CSMD2: variants seen among roughly 807,000 people sequenced by gnomAD.
The protein encoded by CSMD2 is CUB and Sushi multiple domains 2, also known as CUB and sushi domain-containing protein 2.
A neutral mutation model predicts 398.5 loss-of-function variants in CSMD2; 130 were observed. The ratio of observed to expected loss-of-function variants is 0.33; its 90% CI spans 0.28 to 0.38. The LOEUF is 0.38. Ranked by LOEUF, CSMD2 falls within the 10% of genes least tolerant of loss-of-function variation. CSMD2 has a pLI of 1.00. For missense variants in CSMD2, 3,829 were observed against 4,764.9 expected (o/e 0.80, Z 5.78); for synonymous variants, 1,828 against 1,908.5 (o/e 0.96, Z 1.10).
In CSMD2 at chr1:33,692,972, T is replaced by G. The variant is rs758445315; in HGVS notation, c.4010A>C (p.Asn1337Thr). The change falls in exon 25 of 71, where the codon AAC becomes ACC. Residue 1337 changes from asparagine to threonine, a missense_variant. Asn to Thr is a moderately conservative substitution (Grantham distance 65, BLOSUM62 0). Around this residue, in one of 5 missense-constraint regions of CSMD2, gnomAD observed 2,001 missense variants for 2,567.1 expected, o/e 0.78. Coordinates refer to ENST00000373381, the MANE Select transcript of CSMD2 (RefSeq NM_001281956.2). ...GYPAPYEHNL[N>T]CIWTIEAEAG... is the part of the protein sequence containing the mutation. Reference sequence around the variant, plus strand: ...CTCTGCTTCGATGGTCCAGATGCAGTTGAGATTGTGTTCATAGGGAGCTGG... The same window carrying G: ...CTCTGCTTCGATGGTCCAGATGCAGGTGAGATTGTGTTCATAGGGAGCTGG... 1.4e-5 allele frequency: 22 copies of G among 1,607,726 alleles called. 1 individual carries two copies. In the South Asian group the frequency reaches 2.4e-4, roughly 18 times the overall value.
At chr1:34,118,448 A>G (rs1335692856) in intron 1 of CSMD2, among the ~76,000 whole-genome samples, 1 of 152,154 alleles carries the variant, frequency 6.6e-6, no homozygotes, top group Non-Finnish European at 1.5e-5. Context: ...AGTCATCCAA[A>G]CTAACATTAT....
At chr1:34,144,559 G>A (rs1296902002) in intron 1 of CSMD2, among the ~76,000 whole-genome samples, 1 of 152,216 alleles carries the variant, frequency 6.6e-6, no homozygotes, top group Non-Finnish European at 1.5e-5. Flanking sequence ...GAATGAGTGG[G>A]TAACTTCTTC....
At chr1:33,957,937 G>A (rs1328937565) in intron 3 of CSMD2, among the ~76,000 whole-genome samples, 1 of 116,038 alleles carries the variant, frequency 8.6e-6, no homozygotes, top group Non-Finnish European at 1.9e-5. Context: ...CACTGTGTGT[G>A]TGTGTGTGTG....
chr1:33,640,885 T>C (rs922644520), intron 29 of CSMD2, among the ~76,000 whole-genome samples: 12 of 152,178 alleles, frequency 7.9e-5, no homozygotes, highest in African/African-American at 2.9e-4. Context: ...GTAGCAGGTG[T>C]GGCCGTAGCT....
At chr1:34,151,595 T>C (rs185190360) in intron 1 of CSMD2, among the ~76,000 whole-genome samples, 72 of 151,412 alleles carry the variant, frequency 4.8e-4, no homozygotes, top group South Asian at 1.3e-3. Flanking sequence ...AAGACATAAG[T>C]GGAGGAGATT....
At chr1:33,521,241 A>C (rs1237804443) in intron 68 of CSMD2, among the ~76,000 whole-genome samples, 6 of 152,122 alleles carry the variant, frequency 3.9e-5, no homozygotes, top group Non-Finnish European at 7.4e-5. Flanking sequence ...TCTGAACAGG[A>C]AACTTTGTCA....
At chr1:33,726,032 C>T (rs1646518135) in intron 16 of CSMD2, among the ~76,000 whole-genome samples, 1 of 152,096 alleles carries the variant, frequency 6.6e-6, no homozygotes, top group African/African-American at 2.4e-5. Flanking sequence ...CAAAAGTTTG[C>T]AGACTGCTAT....
At chr1:33,707,689 GCGCGCGCACACACACACACACACACACA>G (rs1230920918) in intron 22 of CSMD2, among the ~76,000 whole-genome samples, 16 of 126,336 alleles carry the variant, frequency 1.3e-4, no homozygotes, top group Non-Finnish European at 2.0e-4. Flanking sequence ...GCACACGCGC[GCGCGCGCACACACACACACACACACACA>G]CACACACACA....
chr1:33,781,761 C>T (rs1652797391), intron 12 of CSMD2, among the ~76,000 whole-genome samples: 1 of 152,154 alleles, frequency 6.6e-6, no homozygotes, highest in Admixed American at 6.5e-5. Flanking sequence ...ATTGCCTGTT[C>T]CTTAAATATT....
intron 21 of CSMD2, among the ~76,000 whole-genome samples, chr1:33,712,430 A>G (rs1038645016): frequency 1.3e-5 from 2 of 152,332 alleles, no homozygotes; most frequent in South Asian, 4.1e-4. Context: ...TCCAATTTGC[A>G]TGGCGACTGG....
At chr1:33,959,458 C>T (rs528195965) in intron 3 of CSMD2, among the ~76,000 whole-genome samples, 6 of 152,180 alleles carry the variant, frequency 3.9e-5, no homozygotes, top group Non-Finnish European at 7.3e-5. Context: ...TGCGTGTTCT[C>T]GCCCCAGCAG....
intron 3 of CSMD2, among the ~76,000 whole-genome samples, chr1:33,953,984 T>C (rs1645085018): frequency 6.6e-6 from 1 of 152,102 alleles, no homozygotes; most frequent in Non-Finnish European, 1.5e-5. Context: ...TCCCCCATGC[T>C]ATCATGGTAC....
At chr1:33,956,602 G>A (rs1330992632) in intron 3 of CSMD2, among the ~76,000 whole-genome samples, 1 of 152,056 alleles carries the variant, frequency 6.6e-6, no homozygotes, top group African/African-American at 2.4e-5. Context: ...CAAAATCTTA[G>A]GAATATTCCA....
chr1:33,577,209 C>T (rs962063292), intron 49 of CSMD2, 87 bp downstream of exon 49: 11 of 1,241,392 alleles, frequency 8.9e-6, no homozygotes, highest in East Asian at 2.4e-5. Flanking sequence ...AGGAAACCCA[C>T]ATTTGGAAGT....
At chr1:33,627,997 G>A (rs1241122987) in intron 32 of CSMD2, among the ~76,000 whole-genome samples, 1 of 152,182 alleles carries the variant, frequency 6.6e-6, no homozygotes, top group South Asian at 2.1e-4. Flanking sequence ...TTTTGAGGAA[G>A]GAGATCACTC....
chr1:33,784,827 A>C lies in CSMD2; in HGVS notation c.1663+3773T>G, dbSNP rs1237307041. On this transcript the variant is annotated intron_variant, in intron 12 of 70. Transcript: ENST00000373381. Reference sequence around the variant, plus strand: ...AATGTGCAAGGAGCTTTGAGATCTCATTTCACTCTCCTAACAACGCTCTCA... The same window carrying C: ...AATGTGCAAGGAGCTTTGAGATCTCCTTTCACTCTCCTAACAACGCTCTCA... 2.0e-5 allele frequency among the ~76,000 whole-genome samples: 3 copies of C among 152,090 alleles called. No homozygotes were observed. The East Asian group carries it at 5.8e-4, about 29-fold the overall frequency.
intron 3 of CSMD2, 90 bp from the exon 4 acceptor site, chr1:33,936,044 A>G: frequency 9.2e-7 from 1 of 1,086,214 alleles, no homozygotes; most frequent in Admixed American, 2.5e-5. Context: ...TCCCTAGGCC[A>G]CTCGGGCTTC....
chr1:33,532,673 G>T (rs998512266), intron 64 of CSMD2, among the ~76,000 whole-genome samples: 104 of 152,346 alleles, frequency 6.8e-4, no homozygotes, highest in Non-Finnish European at 1.5e-4. Flanking sequence ...GAATGAAGAA[G>T]AGGGGAAGGG....
At chr1:33,842,224 A>G (rs1660926118) in intron 6 of CSMD2, among the ~76,000 whole-genome samples, 1 of 152,196 alleles carries the variant, frequency 6.6e-6, no homozygotes, top group African/African-American at 2.4e-5. Context: ...CCATGAGTCC[A>G]GTGGGGTTTA....
Sources: gnomAD v4.1 joint callset for allele counts (sites outside exome capture counted in the v4.1 genomes callset) on GRCh38, gnomAD v4.1.1 for gene constraint, gnomAD v4.1.1 regional missense constraint, MANE v1.5 for transcripts, NCBI Gene and HGNC (gene_info 2026-07-23, HGNC 2026-07-21) for gene names.